FRMD8: variants seen among roughly 807,000 people sequenced by gnomAD.
FRMD8 encodes FERM domain containing 8.
Under a neutral mutation model 54.2 loss-of-function variants are expected in FRMD8, and 37 were observed. The observed-to-expected ratio is 0.68, with a 90% CI of 0.53 to 0.90. The LOEUF (loss-of-function observed/expected upper bound fraction) is 0.90. Among genes scored for constraint, FRMD8 ranks in the 40% least tolerant of loss-of-function variants. The pLI is 0.00. For missense variants in FRMD8, 585 were observed against 653.7 expected (o/e 0.89, Z 1.15); for synonymous variants, 246 against 286.9 (o/e 0.86, Z 1.44).
chr11:65,387,269 A>AGCCTCTGACTTCTGTG, intron 2 of FRMD8, 148 bp downstream of exon 2: 1 of 771,520 alleles, frequency 1.3e-6, no homozygotes, highest in Non-Finnish European at 2.2e-6. Flanking sequence ...AAACTCACAG[A>AGCCTCTGACTTCTGTG]AGTCAGAGGC....
chr11:65,404,730 C>T lies in FRMD8; in HGVS notation c.1072-134C>T. ...CCAAGTGGGACACCTCCCCTGCCTC[C>T]CTGCTCCCTCCCTCCTGAGTGATGT... On this transcript the variant is annotated intron_variant, in intron 9 of 10. Transcript: ENST00000317568. This position sits in a 1 kb window ranked among gnomAD's most constrained non-coding sequence, Gnocchi z 4.7. The T allele has an allele frequency of 2.8e-6, 2 of 721,876 alleles. No individual in the cohort carries two copies. The highest frequency in any genetic ancestry group is 3.7e-5 in the South Asian group (2 of 54,554). The allele number at this position is 721,876 out of a possible 1,614,324, so 44.7% of individuals were successfully genotyped here.
the FRMD8 span, chr11:65,380,111 T>C: frequency 6.2e-7 from 1 of 1,611,214 alleles, no homozygotes; most frequent in South Asian, 1.1e-5. Flanking sequence ...TTCATTCCTC[T>C]GGCAGCTCTC....
At chr11:65,371,203 G>A in the FRMD8 span, among the ~76,000 whole-genome samples, 1 of 152,142 alleles carries the variant, frequency 6.6e-6, no homozygotes, top group Non-Finnish European at 1.5e-5. Flanking sequence ...AGTTATTTAA[G>A]CCAGAGTCAT....
chr11:65,407,427 T>C (rs1173606177), intron 10 of FRMD8, among the ~76,000 whole-genome samples: 1 of 151,752 alleles, frequency 6.6e-6, no homozygotes, highest in East Asian at 2.0e-4. Flanking sequence ...AAGTTTTGTA[T>C]ATTTAGTAGA....
intron 3 of FRMD8, among the ~76,000 whole-genome samples, chr11:65,391,424 C>G (rs1855843174): frequency 6.6e-6 from 1 of 152,172 alleles, no homozygotes. Flanking sequence ...CAAGGACGTG[C>G]AAAGCCTCTC....
upstream of FRMD8, chr11:65,381,875 C>T (rs1034809091): frequency 1.1e-5 from 17 of 1,613,448 alleles, no homozygotes; most frequent in Admixed American, 6.7e-5. Flanking sequence ...AGTGACCTAC[C>T]ATTGGGTGTG....
rs79094554 is a variant in FRMD8, at chr11:65,404,197, T to C, written c.1072-667T>C. 0.037 allele frequency among the ~76,000 whole-genome samples: 5,693 copies of C among 152,232 alleles called. 400 individuals are homozygous for C. The highest frequency in any genetic ancestry group is 0.13 in the African/African-American group (5,419 of 41,510). On this transcript the variant is annotated intron_variant, in intron 9 of 10. Coordinates refer to ENST00000317568, the MANE Select transcript of FRMD8 (RefSeq NM_031904.5). The surrounding 1 kb of genome is among the most constrained non-coding windows in gnomAD (Gnocchi z 4.7). ...GGCCATTCCTGTCTACTTGGCCTCA[T>C]CTTATCCCAGGCCTGCAGCAGTGCT...
chr11:65,409,996 C>T (rs914240008), intron 10 of FRMD8, among the ~76,000 whole-genome samples: 4 of 151,812 alleles, frequency 2.6e-5, no homozygotes, highest in African/African-American at 9.7e-5. Context: ...ATCACCTAGG[C>T]TTAGGAGGTA....
At chr11:65,393,785 G>A in intron 4 of FRMD8, 111 bp downstream of exon 4, 1 of 949,582 alleles carries the variant, frequency 1.1e-6, no homozygotes, top group South Asian at 1.5e-5. Context: ...CTGAGGGGCA[G>A]GGCCTGCATC....
At chr11:65,389,597 G>T (rs1855802881) in intron 3 of FRMD8, 69 bp downstream of exon 3, 1 of 1,459,002 alleles carries the variant, frequency 6.9e-7, no homozygotes, top group African/African-American at 1.4e-5. Context: ...GGAGGGAGGG[G>T]GCAGTGTTTG....
chr11:65,369,391 C>T, the FRMD8 span, among the ~76,000 whole-genome samples: 2 of 151,304 alleles, frequency 1.3e-5, no homozygotes, highest in African/African-American at 4.9e-5. Flanking sequence ...TCAAAAACAG[C>T]CTGGGCAACA....
chr11:65,387,301 A>G (rs1334480376), intron 2 of FRMD8, 180 bp downstream of exon 2: 2 of 702,934 alleles, frequency 2.8e-6, no homozygotes, highest in Admixed American at 4.1e-5. Flanking sequence ...TTTACTGGCC[A>G]GGTTGGGTCC....
chr11:65,369,495 G>A, the FRMD8 span, among the ~76,000 whole-genome samples: 6 of 152,018 alleles, frequency 3.9e-5, no homozygotes, highest in Admixed American at 2.6e-4. Context: ...TTGGGAGGCC[G>A]AGGCAGGTGG....
intron 9 of FRMD8, among the ~76,000 whole-genome samples, 182 bp downstream of exon 9, chr11:65,401,049 G>T (rs1464808010): frequency 1.3e-5 from 2 of 152,116 alleles, no homozygotes; most frequent in Non-Finnish European, 1.5e-5. Context: ...GCCCTGGGAG[G>T]TCAGGAGGCC....
the FRMD8 span, chr11:65,377,085 G>A: frequency 1.2e-6 from 2 of 1,610,358 alleles, no homozygotes; most frequent in Non-Finnish European, 1.7e-6. Flanking sequence ...GCCTGTTGGT[G>A]ATGAAACATG....
intron 6 of FRMD8, among the ~76,000 whole-genome samples, chr11:65,395,730 C>T (rs969053620): frequency 2.6e-5 from 4 of 152,170 alleles, no homozygotes; most frequent in African/African-American, 4.8e-5. Flanking sequence ...GGCGTTTTCA[C>T]GTTTTTATCT....
chr11:65,396,482 TGG>T lies in FRMD8; in HGVS notation c.582-315_582-314del, dbSNP rs1220949912. ...AGTTTTAGGGCCGGGGGAGCTCACC[TGG>T]GACAGGTGGGGGTGTCACCATCCCC... On this transcript the variant is annotated intron_variant, in intron 6 of 10. Coordinates refer to ENST00000317568, the MANE Select transcript of FRMD8 (RefSeq NM_031904.5). Among the ~76,000 whole-genome samples, 5 of 151,870 alleles carry T rather than the reference TGG, an allele frequency of 3.3e-5. No individual in the cohort carries two copies. The East Asian group carries it at 9.8e-4, about 30-fold the overall frequency.
At chr11:65,405,117 C>A (rs761893200) in intron 10 of FRMD8, 49 bp downstream of exon 10, 2 of 1,555,792 alleles carry the variant, frequency 1.3e-6, no homozygotes, top group South Asian at 2.2e-5. Context: ...CATGCGCGTG[C>A]ACACACCGGG....
At chr11:65,410,964 AC>A (rs1040998058) in intron 10 of FRMD8, among the ~76,000 whole-genome samples, 1 of 152,110 alleles carries the variant, frequency 6.6e-6, no homozygotes, top group Non-Finnish European at 1.5e-5. Flanking sequence ...TCCCACCAGG[AC>A]CCCACACTGC....
Sources: gnomAD v4.1 joint callset for allele counts (sites outside exome capture counted in the v4.1 genomes callset) on GRCh38, gnomAD v4.1.1 for gene constraint, Gnocchi (gnomAD v3.1) non-coding constraint, MANE v1.5 for transcripts, NCBI Gene and HGNC (gene_info 2026-07-23, HGNC 2026-07-21) for gene names.